The following SHISA6 variants were observed in gnomAD, a reference collection of about 807,000 sequenced individuals.
The protein encoded by SHISA6 is shisa family member 6.
A neutral mutation model predicts 47.9 loss-of-function variants in SHISA6; 22 were observed. The observed-to-expected ratio is 0.46, with a 90% CI of 0.33 to 0.66. SHISA6 has a LOEUF of 0.66. Ranked by LOEUF, SHISA6 falls within the 30% of genes least tolerant of loss-of-function variation. SHISA6 has a pLI of 0.02. For missense variants in SHISA6, 680 were observed against 764.6 expected (o/e 0.89, Z 1.30); for synonymous variants, 388 against 337.8 (o/e 1.15, Z -1.63).
intron 2 of SHISA6, among the ~76,000 whole-genome samples, chr17:11,305,370 C>T (rs1046175256): frequency 6.6e-6 from 1 of 152,144 alleles, no homozygotes; most frequent in African/African-American, 2.4e-5. Context: ...AAATAAATTT[C>T]TGAGATCAAT....
intron 2 of SHISA6, among the ~76,000 whole-genome samples, chr17:11,372,807 G>A (rs1256820370): frequency 6.6e-6 from 1 of 152,046 alleles, no homozygotes; most frequent in African/African-American, 2.4e-5. Flanking sequence ...AAGGGCCTAA[G>A]CACCATTCAA....
At chr17:11,277,277 C>CTT in intron 2 of SHISA6, among the ~76,000 whole-genome samples, 1 of 80,124 alleles carries the variant, frequency 1.2e-5, no homozygotes, top group African/African-American at 4.2e-5. Flanking sequence ...CTCTCTCTCT[C>CTT]TCTCACACAC....
chr17:11,539,305 T>C (rs1248869393), intron 3 of SHISA6, among the ~76,000 whole-genome samples: 1 of 152,188 alleles, frequency 6.6e-6, no homozygotes, highest in African/African-American at 2.4e-5. Context: ...CTTTGGGCAT[T>C]ATTTGTACCC....
chr17:11,523,928 C>T (rs1238750561), intron 3 of SHISA6, among the ~76,000 whole-genome samples: 2 of 151,890 alleles, frequency 1.3e-5, no homozygotes, highest in African/African-American at 4.8e-5. Flanking sequence ...ATCGCTTGAA[C>T]CCAGGAGGCA....
intron 3 of SHISA6, among the ~76,000 whole-genome samples, chr17:11,393,827 C>T (rs914452447): frequency 2.0e-5 from 3 of 152,194 alleles, no homozygotes; most frequent in Non-Finnish European, 4.4e-5. Context: ...CCTTCTTGCT[C>T]ACTGCACTCT....
chr17:11,399,487 T>C (rs1235254649), intron 3 of SHISA6, among the ~76,000 whole-genome samples: 1 of 152,204 alleles, frequency 6.6e-6, no homozygotes. Flanking sequence ...AGTGGCACAA[T>C]CTCAGCTCAC....
chr17:11,297,448 A>T (rs1293302893), intron 2 of SHISA6, among the ~76,000 whole-genome samples: 2 of 152,056 alleles, frequency 1.3e-5, no homozygotes, highest in African/African-American at 4.8e-5. Context: ...TTGTTCCTCC[A>T]TCTCTAGGGT....
chr17:11,435,067 A>T (rs760090325), intron 3 of SHISA6, among the ~76,000 whole-genome samples: 3 of 152,106 alleles, frequency 2.0e-5, no homozygotes, highest in African/African-American at 7.2e-5. Context: ...TAATAATGGG[A>T]TTAGTGTCTT....
chr17:11,343,574 C>T (rs546916375), intron 2 of SHISA6, among the ~76,000 whole-genome samples: 17 of 152,202 alleles, frequency 1.1e-4, no homozygotes, highest in African/African-American at 4.1e-4. Flanking sequence ...GGATGCTGAA[C>T]TGGGGGGCGT....
rs183418236 is a variant in SHISA6 at position 11,509,517 on chromosome 17, T to G, written c.896-42379T>G. ...GGTGGTGTAACCAGCACGAACACTT[T>G]CCATGAACTGTGGAGAGCTGTTTAC... On this transcript the variant is annotated intron_variant, in intron 3 of 5. Transcript: ENST00000441885. 1.7e-3 allele frequency among the ~76,000 whole-genome samples: 259 copies of G among 152,262 alleles called. 2 individuals carry two copies. The highest frequency in any genetic ancestry group is 4.1e-4 in the Non-Finnish European group (28 of 68,020).
chr17:11,254,954 A>G (rs1197460629), intron 1 of SHISA6, among the ~76,000 whole-genome samples: 2 of 152,176 alleles, frequency 1.3e-5, no homozygotes, highest in African/African-American at 4.8e-5. Context: ...TAAGAGCAAC[A>G]TGTGGATCTC....
chr17:11,548,806 A>G (rs1008345559), intron 3 of SHISA6, among the ~76,000 whole-genome samples: 5 of 152,224 alleles, frequency 3.3e-5, no homozygotes, highest in African/African-American at 1.2e-4. Context: ...AGACTATTCT[A>G]TAGATAGAAT....
At chr17:11,480,603 C>G (rs1386551539) in intron 3 of SHISA6, among the ~76,000 whole-genome samples, 1 of 152,106 alleles carries the variant, frequency 6.6e-6, no homozygotes, top group Non-Finnish European at 1.5e-5. Flanking sequence ...CTATGCTCCC[C>G]ACATGGGTTC....
In SHISA6 at chr17:11,561,973, A is replaced by AGT. The variant is rs1291317393; in HGVS notation, c.*3670_*3671dup. On this transcript the variant is annotated 3_prime_UTR_variant, in exon 6 of 6. Coordinates refer to ENST00000441885, the MANE Select transcript of SHISA6 (RefSeq NM_207386.4). ...GGTTTGAGATGTCATGGCCTGTGAT[A>AGT]GTCAGTTTGGTTCCTGCCACTAGCA... The AGT allele has an allele frequency of 6.6e-6, 1 of 152,100 alleles. No homozygotes were observed. The highest frequency in any genetic ancestry group is 2.4e-5 in the African/African-American group (1 of 41,376). The allele number at this position is 152,100 out of a possible 1,614,324, so 9.4% of individuals were successfully genotyped here.
chr17:11,383,019 C>T (rs922680099), intron 3 of SHISA6, among the ~76,000 whole-genome samples: 1 of 146,808 alleles, frequency 6.8e-6, no homozygotes, highest in African/African-American at 2.5e-5. Context: ...CTCACTGCAA[C>T]CTCTGTCTCC....
chr17:11,426,075 G>A (rs1232632603), intron 3 of SHISA6, among the ~76,000 whole-genome samples: 2 of 152,178 alleles, frequency 1.3e-5, no homozygotes, highest in Non-Finnish European at 2.9e-5. Flanking sequence ...AAACCAGGAA[G>A]TGATTACCAG....
chr17:11,252,138 G>T (rs1272049148), intron 1 of SHISA6, among the ~76,000 whole-genome samples: 1 of 152,136 alleles, frequency 6.6e-6, no homozygotes, highest in Admixed American at 6.5e-5. Context: ...CTTGCCGAAA[G>T]CCCCTGTCCC....
At chr17:11,437,765 C>A (rs942604672) in intron 3 of SHISA6, among the ~76,000 whole-genome samples, 2 of 152,170 alleles carry the variant, frequency 1.3e-5, no homozygotes, top group Non-Finnish European at 2.9e-5. Context: ...TATTCCATTG[C>A]ATGTGTCCCA....
At chr17:11,528,755 C>G (rs572446299) in intron 3 of SHISA6, among the ~76,000 whole-genome samples, 27 of 152,242 alleles carry the variant, frequency 1.8e-4, no homozygotes, top group Non-Finnish European at 3.4e-4. Flanking sequence ...TGCTTTTGGG[C>G]AACAGACTCC....
Sources: allele counts gnomAD v4.1 joint callset (sites outside exome capture counted in the v4.1 genomes callset), GRCh38; gene constraint gnomAD v4.1.1; transcripts MANE v1.5; gene names NCBI Gene and HGNC (gene_info 2026-07-23, HGNC 2026-07-21).